Variants in FOCAD observed in about 807,000 individuals in gnomAD.
FOCAD encodes focadhesin.
Under a neutral mutation model 225.6 loss-of-function variants are expected in FOCAD, and 198 were observed. The observed-to-expected ratio is 0.88, with a 90% CI of 0.78 to 0.99. The LOEUF is 0.99. Ranked by LOEUF, FOCAD falls within the 50% of genes least tolerant of loss-of-function variation. The pLI, the probability that FOCAD is intolerant of heterozygous loss-of-function variation, is 0.00. For missense variants in FOCAD, 2,713 were observed against 2,123.6 expected, an observed-to-expected ratio of 1.28 and a Z score of -5.46; for synonymous variants, 897 against 755.0, an observed-to-expected ratio of 1.19 and a Z score of -3.08.
chr9:20,900,685 T>G (rs764929352), intron 21 of FOCAD, among the ~76,000 whole-genome samples: 3 of 151,948 alleles, frequency 2.0e-5, no homozygotes, highest in Non-Finnish European at 4.4e-5. Context: ...TATTACACAT[T>G]TCCCCTAGAA....
Position 20,883,513 on chromosome 9 carries a change from A to G in FOCAD, c.2503+1457A>G, listed in dbSNP as rs376117569. Among the ~76,000 whole-genome samples, 9 of 152,344 alleles carry G rather than the reference A, an allele frequency of 5.9e-5. No homozygotes were observed. The East Asian group carries it at 7.7e-4, about 13-fold the overall frequency. On this transcript the variant is annotated intron_variant, in intron 20 of 43. Coordinates refer to ENST00000338382, the MANE Select transcript of FOCAD (RefSeq NM_001375567.1). ...GACCATACGCTGGACCACAAACTTC[A>G]ATAAATTTCAAGATATTGAAGTCAC...
At chr9:20,718,083 C>T (rs1220732631) in intron 3 of FOCAD, among the ~76,000 whole-genome samples, 1 of 151,988 alleles carries the variant, frequency 6.6e-6, no homozygotes, top group East Asian at 1.9e-4. Flanking sequence ...AGGAATGAGA[C>T]ATGGAGGGAA....
chr9:20,982,506 A>T lies in FOCAD; in HGVS notation c.4728+60A>T, dbSNP rs566882202. On this transcript the variant is annotated intron_variant, in intron 39 of 43. Transcript: ENST00000338382. ...TTGAGCCAGAAATTACGATTGAATA[A>T]TTGATTTCAGTGTTTGGCTGAAGCA... 1.5e-4 allele frequency: 201 copies of T among 1,346,356 alleles called. No homozygotes were observed. In the South Asian group the frequency reaches 2.1e-3, roughly 14 times the overall value. 83.4% of individuals were successfully genotyped at this position (1,346,356 alleles called of 1,614,324 possible).
At chr9:20,730,890 T>C (rs1298957058) in intron 4 of FOCAD, among the ~76,000 whole-genome samples, 1 of 152,098 alleles carries the variant, frequency 6.6e-6, no homozygotes, top group Non-Finnish European at 1.5e-5. Context: ...GTTGTAGGAA[T>C]GTAGATTAAG....
intron 10 of FOCAD, among the ~76,000 whole-genome samples, chr9:20,788,708 T>C (rs1389777351): frequency 1.3e-5 from 2 of 152,230 alleles, no homozygotes; most frequent in Non-Finnish European, 2.9e-5. Context: ...TCACCTTGGC[T>C]ACCCTCTGGC....
At chr9:20,810,671 A>G (rs181727023) in intron 11 of FOCAD, among the ~76,000 whole-genome samples, 1 of 152,068 alleles carries the variant, frequency 6.6e-6, no homozygotes, top group Non-Finnish European at 1.5e-5. Context: ...CAACCATTAC[A>G]TCATGATTTA....
intron 11 of FOCAD, among the ~76,000 whole-genome samples, chr9:20,797,193 A>G (rs1821213868): frequency 1.3e-5 from 2 of 152,200 alleles, no homozygotes; most frequent in South Asian, 4.1e-4. Flanking sequence ...TTTTGGTACC[A>G]GTACCATGCT....
intron 11 of FOCAD, among the ~76,000 whole-genome samples, chr9:20,801,281 A>C (rs1466344494): frequency 6.6e-6 from 1 of 152,184 alleles, no homozygotes; most frequent in African/African-American, 2.4e-5. Flanking sequence ...TATAATGATT[A>C]AGTCAAATTT....
intron 11 of FOCAD, among the ~76,000 whole-genome samples, chr9:20,795,784 GAAAAAA>G (rs1161085446): frequency 1.2e-4 from 5 of 42,406 alleles, no homozygotes; most frequent in Admixed American, 3.4e-4. Flanking sequence ...ACTCTGTCTC[GAAAAAA>G]AAAAAAAAAA....
chr9:20,702,213 C>T (rs1824014570), intron 1 of FOCAD, among the ~76,000 whole-genome samples: 1 of 152,054 alleles, frequency 6.6e-6, no homozygotes. Flanking sequence ...AATGGTCCTC[C>T]CACTGCAGCC....
In FOCAD at chr9:20,939,994, C is replaced by T. The variant is rs145776599; in HGVS notation, c.3408-4633C>T. On this transcript the variant is annotated intron_variant, in intron 28 of 43. Transcript: ENST00000338382. ...TTCAGTTCCCACCTATGAGTGAGAACATGCGTCCAAGTGTTCTCATTGTTC... is the reference window on the plus strand; with the variant it reads ...TTCAGTTCCCACCTATGAGTGAGAATATGCGTCCAAGTGTTCTCATTGTTC... 3.1e-3 allele frequency among the ~76,000 whole-genome samples: 472 copies of T among 150,666 alleles called. 4 individuals carry two copies. Among genetic ancestry groups the T allele is most frequent in the African/African-American group, 0.011 (457 of 41,048 alleles).
In FOCAD at chr9:20,789,573, G is replaced by C. The variant is rs1041459138; in HGVS notation, c.1420G>C (p.Val474Leu). 6.2e-7 allele frequency: 1 copy of C among 1,613,820 alleles called. No homozygotes were observed. The highest frequency in any genetic ancestry group is 1.1e-5 in the South Asian group (1 of 91,078). The part of the protein sequence containing the change: ...KGQNLHQILK[V>L]TTELAQADSS... ...ACAAAATCTTCACCAAATACTCAAG[G>C]TCACTACAGAATTAGCCCAAGCAGA... The change falls in exon 11 of 44, where the codon GTC (valine) becomes CTC (leucine). Residue 474 changes from valine (V) to leucine (L), a missense_variant. Coordinates refer to ENST00000338382, the MANE Select transcript of FOCAD (RefSeq NM_001375567.1).
At chr9:20,958,662 A>C (rs562622917) in intron 35 of FOCAD, among the ~76,000 whole-genome samples, 1 of 152,278 alleles carries the variant, frequency 6.6e-6, no homozygotes, top group African/African-American at 2.4e-5. Context: ...TGTATCCTTT[A>C]ACAAGTCTCT....
At chr9:20,702,453 A>T (rs1289951496) in intron 1 of FOCAD, among the ~76,000 whole-genome samples, 1 of 152,144 alleles carries the variant, frequency 6.6e-6, no homozygotes, top group Non-Finnish European at 1.5e-5. Context: ...ATACTTTATT[A>T]AAGAGTGGTT....
At position 20,908,359 on chromosome 9, in the gene FOCAD, G is replaced by A. The variant is rs181121128; in HGVS notation, c.2718+1117G>A. Among the ~76,000 whole-genome samples, 5 of 152,068 alleles carry A rather than the reference G, an allele frequency of 3.3e-5. No individual in the cohort carries two copies. The East Asian group carries it at 7.8e-4, about 24-fold the overall frequency. On this transcript the variant is annotated intron_variant, in intron 22 of 43. Coordinates refer to ENST00000338382, the MANE Select transcript of FOCAD (RefSeq NM_001375567.1). ...GAGGAATGACTGTCTGGGCAATGGT[G>A]TTCTAATCTCAAATTAAAACCTTTT...
chr9:20,960,996 A>G (rs187033569), intron 35 of FOCAD, among the ~76,000 whole-genome samples: 14 of 152,034 alleles, frequency 9.2e-5, no homozygotes, highest in Admixed American at 9.2e-4. Context: ...TCTATCATTG[A>G]TGGACATTTG....
intron 18 of FOCAD, among the ~76,000 whole-genome samples, chr9:20,873,389 C>T (rs1421585003): frequency 2.0e-5 from 3 of 152,154 alleles, no homozygotes; most frequent in Admixed American, 2.0e-4. Context: ...TGCACACAGA[C>T]TAGACACTTG....
At chr9:20,706,658 A>C (rs1357970582) in intron 1 of FOCAD, among the ~76,000 whole-genome samples, 1 of 152,192 alleles carries the variant, frequency 6.6e-6, no homozygotes, top group Non-Finnish European at 1.5e-5. Flanking sequence ...CCTCTCTGAC[A>C]TTGTTTCTTC....
chr9:20,848,172 C>T (rs953086647), intron 15 of FOCAD, among the ~76,000 whole-genome samples: 1 of 93,768 alleles, frequency 1.1e-5, no homozygotes, highest in Non-Finnish European at 2.3e-5. Flanking sequence ...ACAGGAGAAA[C>T]AGTCTGTATG....
Sources: allele counts gnomAD v4.1 joint callset (sites outside exome capture counted in the v4.1 genomes callset), GRCh38; gene constraint gnomAD v4.1.1; transcripts MANE v1.5; gene names NCBI Gene and HGNC (gene_info 2026-07-23, HGNC 2026-07-21).